TTC28: variants seen among roughly 807,000 people sequenced by gnomAD.
TTC28 encodes tetratricopeptide repeat protein 28.
TTC28 carries 61 observed loss-of-function variants against 198.0 expected under a neutral mutation model. The observed-to-expected ratio is 0.31, with a 90% CI of 0.25 to 0.38. TTC28 has a LOEUF of 0.38. TTC28 is among the 10% of genes least tolerant of loss of function. The pLI is 1.00. For synonymous variants in TTC28, 1,171 were observed against 1,297.8 expected, an observed-to-expected ratio of 0.90 and a Z score of 2.10; for missense variants, 2,678 against 3,164.0, an observed-to-expected ratio of 0.85 and a Z score of 3.69.
intron 5 of TTC28, among the ~76,000 whole-genome samples, chr22:28,244,594 G>A (rs1208507118): frequency 6.6e-6 from 1 of 152,044 alleles, no homozygotes; most frequent in Admixed American, 6.6e-5. Context: ...GTATAAAGAA[G>A]GCAAATAAGC....
intron 2 of TTC28, among the ~76,000 whole-genome samples, chr22:28,386,893 G>A (rs1023156722): frequency 6.6e-6 from 1 of 151,768 alleles, no homozygotes; most frequent in Non-Finnish European, 1.5e-5. Flanking sequence ...TGCACAATGT[G>A]CAGGTTTGTT....
chr22:28,582,952 A>C (rs2050253428), intron 2 of TTC28, among the ~76,000 whole-genome samples: 1 of 152,210 alleles, frequency 6.6e-6, no homozygotes, highest in Non-Finnish European at 1.5e-5. Context: ...ACACACCCTT[A>C]ATACCCAGAG....
intron 6 of TTC28, among the ~76,000 whole-genome samples, chr22:28,130,159 C>G (rs1243304855): frequency 1.3e-5 from 2 of 152,160 alleles, no homozygotes; most frequent in African/African-American, 4.8e-5. Flanking sequence ...TAAGCAGATT[C>G]CTTTTACATT....
In TTC28 at chr22:28,086,826, G is replaced by A. The variant is rs1419913786; in HGVS notation, c.3932+7254C>T. 2.6e-5 allele frequency among the ~76,000 whole-genome samples: 4 copies of A among 152,034 alleles called. No individual in the cohort carries two copies. The East Asian group carries it at 5.8e-4, about 22-fold the overall frequency. ...AGATGCAATAAAAAATGATAAAGGG[G>A]ATATCACCACCGATCCCACAGAAAT... On this transcript the variant is annotated intron_variant, in intron 12 of 22. Transcript: ENST00000397906.
intron 2 of TTC28, among the ~76,000 whole-genome samples, chr22:28,421,670 G>A (rs769793277): frequency 7.9e-5 from 12 of 152,282 alleles, no homozygotes; most frequent in Middle Eastern, 6.8e-3. Flanking sequence ...GTCATGGGCC[G>A]GGTGCGGTGG....
chr22:27,991,524 G>GT (rs1245030487), intron 19 of TTC28, among the ~76,000 whole-genome samples: 1 of 152,216 alleles, frequency 6.6e-6, no homozygotes, highest in Non-Finnish European at 1.5e-5. Context: ...AGCACTCAGT[G>GT]TGTTTCAGAG....
chr22:28,591,418 G>GT (rs1374744475), intron 2 of TTC28, among the ~76,000 whole-genome samples: 2 of 151,926 alleles, frequency 1.3e-5, no homozygotes, highest in Non-Finnish European at 2.9e-5. Flanking sequence ...AAAGAATCTT[G>GT]TTTGATTCTC....
chr22:28,103,981 G>T (rs1319131004), intron 8 of TTC28, among the ~76,000 whole-genome samples: 1 of 152,214 alleles, frequency 6.6e-6, no homozygotes, highest in Non-Finnish European at 1.5e-5. Context: ...GCCCCATGTG[G>T]ATAGAAGCGG....
At chr22:28,192,094 C>T (rs1192704000) in intron 5 of TTC28, among the ~76,000 whole-genome samples, 5 of 152,178 alleles carry the variant, frequency 3.3e-5, no homozygotes, top group Admixed American at 6.5e-5. Flanking sequence ...GACAAAACTT[C>T]CAGAGGAACG....
At chr22:28,063,098 C>G (rs1328733103) in intron 12 of TTC28, among the ~76,000 whole-genome samples, 1 of 152,244 alleles carries the variant, frequency 6.6e-6, no homozygotes, top group Non-Finnish European at 1.5e-5. Flanking sequence ...AATGGCACCT[C>G]AAATCTCAGT....
At chr22:28,238,712 G>A (rs181764627) in intron 5 of TTC28, among the ~76,000 whole-genome samples, 3 of 152,278 alleles carry the variant, frequency 2.0e-5, no homozygotes, top group Non-Finnish European at 4.4e-5. Flanking sequence ...CCATGTGGTA[G>A]TTCTAGTAGT....
At position 28,358,861 on chromosome 22, in the gene TTC28, A is replaced by G. The variant is rs1261015487; in HGVS notation, c.382-52218T>C. Reference sequence around the variant, plus strand: ...ACTTGCGGCTTTCATTCAGTTTCCAATGGGTTCTTATTCTTTGCTCTGTCC... The same window carrying G: ...ACTTGCGGCTTTCATTCAGTTTCCAGTGGGTTCTTATTCTTTGCTCTGTCC... On this transcript the variant is annotated intron_variant, in intron 2 of 22. Coordinates refer to ENST00000397906, the MANE Select transcript of TTC28 (RefSeq NM_001145418.2). Among the ~76,000 whole-genome samples, 5 of 152,134 alleles carry G rather than the reference A, an allele frequency of 3.3e-5. No homozygotes were observed. In the East Asian group the frequency reaches 7.8e-4, roughly 24 times the overall value.
At chr22:28,253,849 A>C (rs1930694563) in intron 5 of TTC28, among the ~76,000 whole-genome samples, 1 of 152,140 alleles carries the variant, frequency 6.6e-6, no homozygotes, top group African/African-American at 2.4e-5. Context: ...TCACGCCTGT[A>C]ATCCCAGCAC....
chr22:28,490,973 T>C (rs1314186112), intron 2 of TTC28, among the ~76,000 whole-genome samples: 2 of 152,218 alleles, frequency 1.3e-5, no homozygotes. Flanking sequence ...GTTTAAGCTG[T>C]TTATTCAAGA....
At chr22:28,013,514 C>T (rs552509076) in intron 14 of TTC28, among the ~76,000 whole-genome samples, 7 of 152,314 alleles carry the variant, frequency 4.6e-5, no homozygotes, top group East Asian at 1.9e-4. Context: ...GTGTCTTTAA[C>T]GTTAGACTCT....
At position 28,542,817 on chromosome 22, in the gene TTC28, T is replaced by A. The variant is rs891946600; in HGVS notation, c.381+86735A>T. ...GAGGGAAATGCATAGCTTCAGATGCTTATAGGAAAAAAAGTCAAGTCCAAA... is the reference window on the plus strand; with the variant it reads ...GAGGGAAATGCATAGCTTCAGATGCATATAGGAAAAAAAGTCAAGTCCAAA... On this transcript the variant is annotated intron_variant, in intron 2 of 22. Transcript: ENST00000397906. Among the ~76,000 whole-genome samples, 6 of 152,148 alleles carry A rather than the reference T, an allele frequency of 3.9e-5. No homozygotes were observed. In the East Asian group the frequency reaches 5.8e-4, roughly 15 times the overall value.
intron 5 of TTC28, among the ~76,000 whole-genome samples, chr22:28,210,324 G>C (rs766099435): frequency 6.6e-6 from 1 of 152,264 alleles, no homozygotes; most frequent in East Asian, 1.9e-4. Context: ...GGCTTCAGAC[G>C]ATCGGTAATA....
intron 1 of TTC28, among the ~76,000 whole-genome samples, chr22:28,656,766 C>T (rs977765276): frequency 3.9e-5 from 6 of 151,922 alleles, no homozygotes; most frequent in East Asian, 1.9e-4. Flanking sequence ...CCTGTCGTGG[C>T]GTGGAGAGAG....
chr22:28,541,137 AC>A (rs1456221589), intron 2 of TTC28, among the ~76,000 whole-genome samples: 2 of 152,232 alleles, frequency 1.3e-5, no homozygotes, highest in Admixed American at 6.5e-5. Flanking sequence ...TGATGGAGCA[AC>A]AGATACCACA....
Sources: gnomAD v4.1 joint callset for allele counts (sites outside exome capture counted in the v4.1 genomes callset) on GRCh38, gnomAD v4.1.1 for gene constraint, MANE v1.5 for transcripts, NCBI Gene and HGNC (gene_info 2026-07-23, HGNC 2026-07-21) for gene names.